PRKN: variants seen among roughly 807,000 people sequenced by gnomAD.
PRKN encodes the protein parkin RBR E3 ubiquitin protein ligase.
PRKN carries 56 observed loss-of-function variants against 59.5 expected under a neutral mutation model. The observed-to-expected ratio is 0.94, with a 90% CI of 0.76 to 1.18. The LOEUF (loss-of-function observed/expected upper bound fraction) is 1.18. PRKN is among the 50% of genes most tolerant of loss of function. The pLI is 0.00. For missense variants in PRKN, 657 were observed against 596.4 expected (o/e 1.10, Z -1.06); for synonymous variants, 250 against 222.1 (o/e 1.13, Z -1.12).
At chr6:161,642,252 A>G (rs1202427632) in intron 7 of PRKN, among the ~76,000 whole-genome samples, 1 of 152,226 alleles carries the variant, frequency 6.6e-6, no homozygotes, top group Non-Finnish European at 1.5e-5. Context: ...TGTAATCAAT[A>G]TGGAATATAA....
rs150481243 is a variant in PRKN at position 161,533,280 on chromosome 6, C to T, written c.1083+15574G>A. ...AGGAGTTGTAAAGAAATTACTTGGG[C>T]AGTGAGGGTATGGAAGTCCTCAGTA... On this transcript the variant is annotated intron_variant, in intron 9 of 11. Transcript: ENST00000366898. This position sits in a 1 kb window ranked among gnomAD's most constrained non-coding sequence, Gnocchi z 4.1. Among the ~76,000 whole-genome samples the T allele has an allele frequency of 5.1e-4, 78 of 152,236 alleles. No individual in the cohort carries two copies. The highest frequency in any genetic ancestry group is 1.8e-3 in the African/African-American group (73 of 41,538).
intron 4 of PRKN, among the ~76,000 whole-genome samples, chr6:162,149,451 C>A (rs1426197290): frequency 6.6e-6 from 1 of 151,996 alleles, no homozygotes; most frequent in African/African-American, 2.4e-5. Flanking sequence ...ACTGTGTTCG[C>A]CAGGCTGGTC....
Position 162,235,663 on chromosome 6 carries a change from C to T in PRKN, c.412+26862G>A, listed in dbSNP as rs371666858. On this transcript the variant is annotated intron_variant, in intron 3 of 11. Transcript: ENST00000366898. ...TCTACTAAAAAAATACAAAAACTAG[C>T]GCGGTGGCTGGTGCCTGTAATCCCA... 2.7e-4 allele frequency among the ~76,000 whole-genome samples: 41 copies of T among 151,872 alleles called. 1 individual carries two copies. Among genetic ancestry groups the T allele is most frequent in the African/African-American group, 9.7e-4 (40 of 41,394 alleles).
intron 4 of PRKN, among the ~76,000 whole-genome samples, chr6:162,131,368 T>C (rs1781347144): frequency 6.6e-6 from 1 of 152,236 alleles, no homozygotes; most frequent in African/African-American, 2.4e-5. Flanking sequence ...TTGTATAATG[T>C]TCTCTCTTTT....
At chr6:162,333,709 C>T (rs1035086795) in intron 2 of PRKN, among the ~76,000 whole-genome samples, 3 of 152,238 alleles carry the variant, frequency 2.0e-5, no homozygotes, top group East Asian at 1.9e-4. Context: ...AATAATGCTA[C>T]GACGGCATCT....
At chr6:161,638,759 T>TTTTTTTTTTTTTA in intron 7 of PRKN, among the ~76,000 whole-genome samples, 1 of 148,184 alleles carries the variant, frequency 6.7e-6, no homozygotes, top group Non-Finnish European at 1.5e-5. Context: ...TTTTTTTTTT[T>TTTTTTTTTTTTTA]GAGACAGACT....
rs1165078574 is a variant in PRKN at position 161,377,738 on chromosome 6, G to C, written c.1167+9056C>G. Among the ~76,000 whole-genome samples the C allele has an allele frequency of 6.6e-6, 1 of 151,998 alleles. No homozygotes were observed. Among genetic ancestry groups the C allele is most frequent in the Admixed American group, 6.6e-5 (1 of 15,262 alleles). On this transcript the variant is annotated intron_variant, in intron 10 of 11. Coordinates refer to ENST00000366898, the MANE Select transcript of PRKN (RefSeq NM_004562.3). The surrounding 1 kb of genome is among the most constrained non-coding windows in gnomAD (Gnocchi z 4.2). ...GGGATTAGTGCCCTTATAAAGAGAGGGCATTAACCAGTCACCTCTCATCCT... is the reference window on the plus strand; with the variant it reads ...GGGATTAGTGCCCTTATAAAGAGAGCGCATTAACCAGTCACCTCTCATCCT...
intron 2 of PRKN, among the ~76,000 whole-genome samples, chr6:162,287,068 C>T (rs1421613945): frequency 6.6e-6 from 1 of 152,192 alleles, no homozygotes; most frequent in Non-Finnish European, 1.5e-5. Context: ...TCCAATTCTT[C>T]TCTATTGTCT....
chr6:161,989,833 G>C (rs1427840909), intron 5 of PRKN, among the ~76,000 whole-genome samples: 2 of 152,058 alleles, frequency 1.3e-5, no homozygotes, highest in African/African-American at 4.8e-5. Context: ...GACCCTCCCT[G>C]TCTGCTACCA....
At chr6:161,686,091 AAAG>A (rs1409815763) in intron 7 of PRKN, among the ~76,000 whole-genome samples, 3 of 151,310 alleles carry the variant, frequency 2.0e-5, no homozygotes, top group Admixed American at 2.0e-4. Flanking sequence ...AAAAAAAAAA[AAAG>A]AGTGGGTAAA....
intron 1 of PRKN, among the ~76,000 whole-genome samples, chr6:162,559,535 G>C (rs925643284): frequency 6.6e-6 from 1 of 152,144 alleles, no homozygotes; most frequent in African/African-American, 2.4e-5. Flanking sequence ...AGAAAGCTAC[G>C]GGTCACTTGT....
intron 2 of PRKN, among the ~76,000 whole-genome samples, chr6:162,272,115 G>T (rs1034842144): frequency 1.3e-5 from 2 of 152,164 alleles, no homozygotes; most frequent in African/African-American, 4.8e-5. Context: ...ATAGGGGGCG[G>T]GAGGGGGGAC....
chr6:161,497,577 T>TCTCTCTCACACACA lies in PRKN; in HGVS notation c.1083+51276_1083+51277insTGTGTGTGAGAGAG, dbSNP rs369404858. On this transcript the variant is annotated intron_variant, in intron 9 of 11. Transcript: ENST00000366898. This position sits in a 1 kb window ranked among gnomAD's most constrained non-coding sequence, Gnocchi z 4.6. ...ATGTCTCTCTCTCTCTCTCTCTCTC[T>TCTCTCTCACACACA]CACACACACACACACACACACCATA... Among the ~76,000 whole-genome samples the TCTCTCTCACACACA allele has an allele frequency of 1.8e-4, 27 of 147,388 alleles. No homozygotes were observed. The highest frequency in any genetic ancestry group is 6.6e-4 in the African/African-American group (26 of 39,682).
At chr6:162,467,636 C>T (rs1055209961) in intron 1 of PRKN, among the ~76,000 whole-genome samples, 3 of 152,144 alleles carry the variant, frequency 2.0e-5, no homozygotes, top group African/African-American at 7.2e-5. Context: ...CAGAACAGGA[C>T]TCCCAAAGGC....
chr6:161,514,205 CA>C (rs113784196), intron 9 of PRKN, among the ~76,000 whole-genome samples: 266 of 152,056 alleles, frequency 1.7e-3, no homozygotes, highest in African/African-American at 6.0e-3. Flanking sequence ...AAAAACAAAA[CA>C]AAACCCCAGA....
At chr6:162,504,841 T>C (rs1051630871) in intron 1 of PRKN, among the ~76,000 whole-genome samples, 8 of 151,680 alleles carry the variant, frequency 5.3e-5, no homozygotes, top group Admixed American at 2.0e-4. Context: ...GAAATCAATA[T>C]GAAAATTCAA....
intron 9 of PRKN, among the ~76,000 whole-genome samples, chr6:161,482,074 T>G (rs16892599): frequency 0.072 from 10,916 of 152,128 alleles, 486 homozygotes; most frequent in African/African-American, 0.12. Flanking sequence ...TCACTTAAAA[T>G]GAAAAATGTA....
At chr6:161,683,637 C>T (rs1406903135) in intron 7 of PRKN, among the ~76,000 whole-genome samples, 1 of 152,148 alleles carries the variant, frequency 6.6e-6, no homozygotes, top group Non-Finnish European at 1.5e-5. Flanking sequence ...TGCTGCTTGG[C>T]AGGGTGGTGT....
intron 1 of PRKN, among the ~76,000 whole-genome samples, chr6:162,556,343 G>GTA (rs1779573160): frequency 1.0e-4 from 2 of 19,074 alleles, no homozygotes; most frequent in Non-Finnish European, 2.4e-4. Flanking sequence ...TACTCAGCTG[G>GTA]TGTGTGTGTG....
Sources: gnomAD v4.1 joint callset for allele counts (sites outside exome capture counted in the v4.1 genomes callset) on GRCh38, gnomAD v4.1.1 for gene constraint, Gnocchi (gnomAD v3.1) non-coding constraint, MANE v1.5 for transcripts, NCBI Gene and HGNC (gene_info 2026-07-23, HGNC 2026-07-21) for gene names.